Variants in OTOGL observed in about 807,000 individuals in gnomAD.
OTOGL encodes the protein otogelin like, also known as otogelin-like protein.
A neutral mutation model predicts 318.5 loss-of-function variants in OTOGL; 285 were observed. That is an observed-to-expected ratio of 0.89 (90% CI 0.81 to 0.99). The LOEUF is 0.99. Ranked by LOEUF, OTOGL falls within the 50% of genes least tolerant of loss-of-function variation. The probability of loss-of-function intolerance (pLI) is 0.00; values close to 1 mark genes in which losing one functional copy is unlikely to be tolerated. For synonymous variants in OTOGL, 987 were observed against 936.5 expected (o/e 1.05, Z -0.99); for missense variants, 2,899 against 2,845.6 (o/e 1.02, Z -0.43).
At chr12:80,169,928 A>T (rs543124454) in intron 1 of OTOGL, among the ~76,000 whole-genome samples, 1 of 152,302 alleles carries the variant, frequency 6.6e-6, no homozygotes, top group South Asian at 2.1e-4. Flanking sequence ...CATTTGAGTT[A>T]TTTGCAATTT....
chr12:80,316,035 AT>A (rs1886951591), intron 32 of OTOGL, among the ~76,000 whole-genome samples: 1 of 152,160 alleles, frequency 6.6e-6, no homozygotes, highest in African/African-American at 2.4e-5. Flanking sequence ...TCATTATTTT[AT>A]TTTATTATCT....
At position 80,367,682 on chromosome 12, in the gene OTOGL, T is replaced by C. The variant is rs1387303322; in HGVS notation, c.6453T>C (p.His2151=). ...AIECLEEKDN[H]TGFHTLNFTL... ...AGTGTCTGGAAGAAAAAGATAACCATACGGGCTTTCACACTCTGAATTTTA... is the reference window on the plus strand; with the variant it reads ...AGTGTCTGGAAGAAAAAGATAACCACACGGGCTTTCACACTCTGAATTTTA... Residue 2151 remains histidine (H), a synonymous_variant, in exon 54 of 59, where the codon CAT becomes CAC. Transcript: ENST00000547103. 2.0e-6 allele frequency: 3 copies of C among 1,489,290 alleles called. No individual in the cohort carries two copies. In the African/African-American group the frequency reaches 4.4e-5, roughly 22 times the overall value. The allele number at this position is 1,489,290 out of a possible 1,614,324, so 92.3% of individuals were successfully genotyped here.
intron 8 of OTOGL, among the ~76,000 whole-genome samples, chr12:80,230,126 A>G (rs1879234084): frequency 6.6e-6 from 1 of 152,210 alleles, no homozygotes; most frequent in African/African-American, 2.4e-5. Flanking sequence ...GTGGGCTGGA[A>G]CAATTCTATT....
chr12:80,160,874 AT>A (rs1873465639), intron 1 of OTOGL, among the ~76,000 whole-genome samples: 7 of 152,090 alleles, frequency 4.6e-5, no homozygotes, highest in Admixed American at 6.6e-5. Context: ...AAATTGTGGT[AT>A]ATATACAATG....
At chr12:80,308,465 C>T (rs1244042915) in intron 29 of OTOGL, among the ~76,000 whole-genome samples, 11 of 151,904 alleles carry the variant, frequency 7.2e-5, no homozygotes, top group South Asian at 2.1e-4. Context: ...CGGGAAGAGA[C>T]GCTCCTCACT....
chr12:80,295,109 A>C (rs75607587), intron 26 of OTOGL, among the ~76,000 whole-genome samples: 2,937 of 148,952 alleles, frequency 0.02, 96 homozygotes, highest in African/African-American at 0.069. Context: ...AAAAACAACA[A>C]CAACACCACC....
At chr12:80,262,401 C>T (rs970581963) in intron 19 of OTOGL, among the ~76,000 whole-genome samples, 9 of 151,960 alleles carry the variant, frequency 5.9e-5, no homozygotes. Flanking sequence ...TGGGAGTTTT[C>T]AGAGTCTTTA....
intron 46 of OTOGL, among the ~76,000 whole-genome samples, chr12:80,353,742 A>G (rs1489299095): frequency 1.3e-5 from 2 of 152,212 alleles, no homozygotes; most frequent in Admixed American, 6.5e-5. Context: ...TAACTGAGAA[A>G]AAGCATGGGA....
intron 1 of OTOGL, among the ~76,000 whole-genome samples, chr12:80,114,251 C>A (rs1170851199): frequency 1.3e-5 from 2 of 151,990 alleles, no homozygotes; most frequent in African/African-American, 2.4e-5. Context: ...TGGCTGGTAC[C>A]AGTTTTTCCT....
At chr12:80,173,148 ATTTAC>A (rs1377018348) in intron 1 of OTOGL, among the ~76,000 whole-genome samples, 1 of 151,490 alleles carries the variant, frequency 6.6e-6, no homozygotes, top group Admixed American at 6.6e-5. Flanking sequence ...TCCTATCAAT[ATTTAC>A]TTTATAAGAT....
At chr12:80,369,512 A>C (rs1304701289) in intron 55 of OTOGL, among the ~76,000 whole-genome samples, 1 of 152,076 alleles carries the variant, frequency 6.6e-6, no homozygotes, top group Non-Finnish European at 1.5e-5. Flanking sequence ...CAACATCCTG[A>C]TTCAGAACAG....
At chr12:80,204,345 A>G (rs7957851) in intron 1 of OTOGL, among the ~76,000 whole-genome samples, 5,030 of 152,258 alleles carry the variant, frequency 0.033, 223 homozygotes, top group East Asian at 0.19. Context: ...CTCTTGTCAT[A>G]AATCAGATTG....
At chr12:80,338,832 G>A (rs911302488) in intron 42 of OTOGL, among the ~76,000 whole-genome samples, 1 of 152,010 alleles carries the variant, frequency 6.6e-6, no homozygotes, top group East Asian at 1.9e-4. Context: ...ATAGAAGAAA[G>A]TTAAATTTTG....
chr12:80,143,142 T>C (rs1338671421), intron 1 of OTOGL, among the ~76,000 whole-genome samples: 1 of 152,160 alleles, frequency 6.6e-6, no homozygotes, highest in African/African-American at 2.4e-5. Flanking sequence ...ATAGTCTTCA[T>C]TGTCATATGT....
intron 1 of OTOGL, among the ~76,000 whole-genome samples, chr12:80,106,390 C>G (rs1869455221): frequency 6.6e-6 from 1 of 152,132 alleles, no homozygotes. Flanking sequence ...AGGGTTATTT[C>G]TCAATGGTTT....
At chr12:80,191,793 C>A (rs1875715066) in intron 1 of OTOGL, among the ~76,000 whole-genome samples, 1 of 152,170 alleles carries the variant, frequency 6.6e-6, no homozygotes, top group African/African-American at 2.4e-5. Context: ...TGCTCACTAG[C>A]TCTCTGACTT....
intron 1 of OTOGL, among the ~76,000 whole-genome samples, chr12:80,128,204 A>G (rs1870983793): frequency 6.6e-6 from 1 of 152,104 alleles, no homozygotes; most frequent in African/African-American, 2.4e-5. Context: ...ATGGTGATGT[A>G]CAGATGGGGT....
chr12:80,216,396 A>T (rs932324393), intron 4 of OTOGL, among the ~76,000 whole-genome samples: 15 of 152,184 alleles, frequency 9.9e-5, no homozygotes, highest in African/African-American at 3.6e-4. Context: ...CTGGTGAAAT[A>T]TAAGTGCTAT....
In OTOGL at chr12:80,239,443, AGTGAAATGAC is replaced by A; in HGVS notation, c.1052+5_1052+14del. 1 of 1,545,916 alleles carries A rather than the reference AGTGAAATGAC, an allele frequency of 6.5e-7. No individual in the cohort carries two copies. The highest frequency in any genetic ancestry group is 8.8e-7 in the Non-Finnish European group (1 of 1,137,184). On this transcript the variant is annotated splice_donor_5th_base_variant and intron_variant, in intron 11 of 58. Transcript: ENST00000547103. ...GCTGTGTTAATGATCTTTGCAAGTAAGTGAAATGACTTGTAGTTGTAATAAAATTTTCTTT... is the reference window on the plus strand; with the variant it reads ...GCTGTGTTAATGATCTTTGCAAGTAATTGTAGTTGTAATAAAATTTTCTTT...
Sources: gnomAD v4.1 joint callset for allele counts (sites outside exome capture counted in the v4.1 genomes callset) on GRCh38, gnomAD v4.1.1 for gene constraint, MANE v1.5 for transcripts, NCBI Gene and HGNC (gene_info 2026-07-23, HGNC 2026-07-21) for gene names.